PGAP1: variants seen among roughly 807,000 people sequenced by gnomAD.
The protein encoded by PGAP1 is GPI inositol-deacylase.
Under a neutral mutation model 127.0 loss-of-function variants are expected in PGAP1, and 76 were observed. The observed-to-expected ratio is 0.60, with a 90% CI of 0.50 to 0.72. The LOEUF (loss-of-function observed/expected upper bound fraction) is 0.72. Among genes scored for constraint, PGAP1 ranks in the 30% least tolerant of loss-of-function variants. The pLI, the probability that PGAP1 is intolerant of heterozygous loss-of-function variation, is 0.00. For synonymous variants in PGAP1, 362 were observed against 366.5 expected (o/e 0.99, Z 0.14); for missense variants, 982 against 1,071.3 (o/e 0.92, Z 1.16).
chr2:196,849,179 A>G (rs1413418728), intron 20 of PGAP1, among the ~76,000 whole-genome samples: 2 of 152,054 alleles, frequency 1.3e-5, no homozygotes, highest in African/African-American at 4.8e-5. Flanking sequence ...ACCAAGAAAA[A>G]CGAGACCTTT....
chr2:196,923,085 G>C (rs868622985), intron 1 of PGAP1, among the ~76,000 whole-genome samples: 32 of 152,088 alleles, frequency 2.1e-4, no homozygotes, highest in African/African-American at 6.3e-4. Context: ...ACATTGAAAA[G>C]GTTCTCTCCT....
chr2:196,905,609 G>T (rs1178750287), intron 4 of PGAP1, among the ~76,000 whole-genome samples: 1 of 152,108 alleles, frequency 6.6e-6, no homozygotes, highest in African/African-American at 2.4e-5. Flanking sequence ...CAAGATGGCC[G>T]AATAGGAACA....
At chr2:196,842,663 T>C (rs1700446180) in intron 26 of PGAP1, 58 bp downstream of exon 26, 1 of 793,066 alleles carries the variant, frequency 1.3e-6, no homozygotes, top group Non-Finnish European at 2.0e-6. Context: ...ATTTTAGATA[T>C]AAAGGGGGAA....
chr2:196,865,135 A>T, intron 19 of PGAP1, 55 bp from the exon 20 acceptor site: 1 of 971,714 alleles, frequency 1.0e-6, no homozygotes, highest in South Asian at 1.7e-5. Context: ...TAATAAGTGT[A>T]CTTTCACATA....
chr2:196,858,049 G>A (rs1032002496), intron 20 of PGAP1, among the ~76,000 whole-genome samples: 10 of 152,002 alleles, frequency 6.6e-5, no homozygotes, highest in East Asian at 1.9e-4. Flanking sequence ...TTAAAGAAAC[G>A]AATGACCAAC....
At chr2:196,860,377 C>CA (rs1227669341) in intron 20 of PGAP1, among the ~76,000 whole-genome samples, 3 of 151,734 alleles carry the variant, frequency 2.0e-5, no homozygotes, top group African/African-American at 4.8e-5. Flanking sequence ...ACTAGAAATA[C>CA]AAAAAAATTA....
chr2:196,882,654 CTGT>C (rs1055175722), intron 12 of PGAP1, among the ~76,000 whole-genome samples: 26 of 152,072 alleles, frequency 1.7e-4, no homozygotes, highest in Non-Finnish European at 2.9e-4. Context: ...CTTGGCTTGA[CTGT>C]TGTTGGTGTC....
At chr2:196,880,472 A>G (rs1701696614) in intron 12 of PGAP1, among the ~76,000 whole-genome samples, 1 of 152,110 alleles carries the variant, frequency 6.6e-6, no homozygotes, top group Admixed American at 6.5e-5. Context: ...CTTTCTTTTT[A>G]TAATTTGGTT....
Position 196,833,682 on chromosome 2 carries a change from G to A in PGAP1, c.*7552C>T, listed in dbSNP as rs1308341154. ...TATTTTTGTCTGGCGAGTAGGTAGT[G>A]GAGGTAAAATGGGAAAACAATGTGT... On this transcript the variant is annotated 3_prime_UTR_variant, in exon 27 of 27. Transcript: ENST00000354764. The A allele has an allele frequency of 6.6e-6, 1 of 152,062 alleles. No individual in the cohort carries two copies. Among genetic ancestry groups the A allele is most frequent in the Admixed American group, 6.5e-5 (1 of 15,268 alleles). 9.4% of individuals were successfully genotyped at this position (152,062 alleles called of 1,614,324 possible).
intron 9 of PGAP1, among the ~76,000 whole-genome samples, chr2:196,891,333 G>A (rs1195697613): frequency 1.3e-5 from 2 of 152,100 alleles, no homozygotes. Context: ...CTGATTCACG[G>A]TTTGGGGCAG....
intron 20 of PGAP1, among the ~76,000 whole-genome samples, chr2:196,852,030 C>A (rs769549334): frequency 2.0e-5 from 3 of 152,238 alleles, no homozygotes; most frequent in Non-Finnish European, 4.4e-5. Context: ...GTTCCACAGC[C>A]TTAATTACAT....
intron 2 of PGAP1, among the ~76,000 whole-genome samples, chr2:196,917,414 T>C (rs947047875): frequency 4.6e-5 from 7 of 152,232 alleles, no homozygotes; most frequent in East Asian, 1.9e-4. Context: ...ATCTCTGGTA[T>C]ATATTTTACA....
chr2:196,848,051 A>G lies in PGAP1; in HGVS notation c.1862-14T>C. The G allele has an allele frequency of 1.3e-6, 2 of 1,566,110 alleles. No homozygotes were observed. Among genetic ancestry groups the G allele is most frequent in the African/African-American group, 1.4e-5 (1 of 72,800 alleles). ...CTAAGCAACAACCTGGTGATTTAAA[A>G]AAAGTTACATGCAATTTACAGTAAT... On this transcript the variant is annotated splice_polypyrimidine_tract_variant and intron_variant, in intron 20 of 26. Transcript: ENST00000354764.
At position 196,880,092 on chromosome 2, in the gene PGAP1, G is replaced by A; in HGVS notation, c.1334C>T (p.Ser445Phe). Residue 445 changes from serine to phenylalanine, a missense_variant, in exon 13 of 27, where the codon TCT becomes TTT. Transcript: ENST00000354764. ...SLSHLVVYVP[S>F]VRGSKFVVDC... ...ACTTGTTACCTTACTTCCACGAACA[G>A]ATGGTACATAAACAACAAGATGAGA... is the stretch of plus-strand genomic sequence containing the variant. 1 of 1,603,850 alleles carries A rather than the reference G, an allele frequency of 6.2e-7. No individual in the cohort carries two copies. Among genetic ancestry groups the A allele is most frequent in the East Asian group, 2.3e-5 (1 of 44,424 alleles).
intron 7 of PGAP1, among the ~76,000 whole-genome samples, chr2:196,894,938 G>T (rs1702225484): frequency 6.6e-6 from 1 of 152,152 alleles, no homozygotes; most frequent in African/African-American, 2.4e-5. Context: ...AAATTACTCT[G>T]ATTCCTGCCT....
chr2:196,926,521 G>A lies in PGAP1; in HGVS notation c.96C>T (p.Phe32=). The A allele has an allele frequency of 1.2e-6, 2 of 1,613,858 alleles. No homozygotes were observed. The highest frequency in any genetic ancestry group is 8.5e-7 in the Non-Finnish European group (1 of 1,179,886). Residue 32 remains phenylalanine (F), a synonymous_variant, in exon 1 of 27, where the codon TTC becomes TTT. Coordinates refer to ENST00000354764, the MANE Select transcript of PGAP1 (RefSeq NM_024989.4). ...TLGLWDVFFG[F]EENKCSMSYM... is the part of the protein sequence containing the mutation. ...AGCTCATACTGCACTTATTCTCCTC[G>A]AAGCCGAAGAAGACATCCCACAGCC...
chr2:196,889,372 C>G (rs950921358), intron 10 of PGAP1, among the ~76,000 whole-genome samples: 3 of 152,058 alleles, frequency 2.0e-5, no homozygotes, highest in African/African-American at 7.2e-5. Context: ...TGCCTATCAT[C>G]TTTTTTTAAA....
chr2:196,862,033 A>G (rs146218898), intron 20 of PGAP1, among the ~76,000 whole-genome samples: 1,530 of 152,044 alleles, frequency 0.01, 23 homozygotes, highest in African/African-American at 0.035. Flanking sequence ...TGAAAAAAGA[A>G]CAGGATAACA....
intron 13 of PGAP1, among the ~76,000 whole-genome samples, chr2:196,876,493 AAAT>A (rs1230157840): frequency 6.6e-6 from 1 of 152,122 alleles, no homozygotes; most frequent in Non-Finnish European, 1.5e-5. Flanking sequence ...ATTTCTTTTT[AAAT>A]AACATTTCTA....
Sources: allele counts gnomAD v4.1 joint callset (sites outside exome capture counted in the v4.1 genomes callset), GRCh38; gene constraint gnomAD v4.1.1; transcripts MANE v1.5; gene names NCBI Gene and HGNC (gene_info 2026-07-23, HGNC 2026-07-21).